Variants in ATP8B4 observed in about 807,000 individuals in gnomAD.
ATP8B4 encodes ATPase phospholipid transporting 8B4 (putative).
ATP8B4 carries 133 observed loss-of-function variants against 145.6 expected under a neutral mutation model. The observed-to-expected ratio is 0.91, with a 90% confidence interval of 0.79 to 1.05. ATP8B4 has a LOEUF of 1.05. Ranked by LOEUF, ATP8B4 falls within the 50% of genes least tolerant of loss-of-function variation. ATP8B4 has a pLI of 0.00. For synonymous variants in ATP8B4, 507 were observed against 492.9 expected (o/e 1.03, Z -0.38); for missense variants, 1,458 against 1,425.2 (o/e 1.02, Z -0.37).
intron 1 of ATP8B4, among the ~76,000 whole-genome samples, chr15:50,166,939 C>G (rs1227504769): frequency 1.3e-5 from 2 of 152,180 alleles, no homozygotes; most frequent in African/African-American, 4.8e-5. Context: ...ATTACCACAA[C>G]AGTAAGTGAT....
intron 23 of ATP8B4, among the ~76,000 whole-genome samples, chr15:49,890,502 G>A (rs757159598): frequency 2.6e-5 from 4 of 152,148 alleles, no homozygotes; most frequent in Non-Finnish European, 1.5e-5. Context: ...GGGCTTTAGG[G>A]GCTAAGAAAG....
intron 8 of ATP8B4, among the ~76,000 whole-genome samples, chr15:50,000,580 T>C (rs2047806240): frequency 6.6e-6 from 1 of 152,168 alleles, no homozygotes; most frequent in Admixed American, 6.6e-5. Context: ...AAGAAGTTTT[T>C]TTAAAATATA....
intron 3 of ATP8B4, among the ~76,000 whole-genome samples, chr15:50,068,177 A>ATTCTCAACCACT: frequency 6.6e-6 from 1 of 152,132 alleles, no homozygotes; most frequent in African/African-American, 2.4e-5. Flanking sequence ...TTAAGAGGAG[A>ATTCTCAACCACT]GAGAAGTTTG....
chr15:49,909,299 G>A (rs1466649857), intron 20 of ATP8B4, among the ~76,000 whole-genome samples: 2 of 152,094 alleles, frequency 1.3e-5, no homozygotes, highest in African/African-American at 4.8e-5. Flanking sequence ...ACCACAGCTA[G>A]CACCCACCTG....
intron 14 of ATP8B4, 48 bp from the exon 15 acceptor site, chr15:49,934,230 A>T (rs764358024): frequency 2.6e-6 from 4 of 1,543,260 alleles, no homozygotes; most frequent in Non-Finnish European, 3.5e-6. Flanking sequence ...TCATTCCAAT[A>T]ATTATCTTTT....
At chr15:49,889,720 C>G (rs1315314109) in intron 23 of ATP8B4, among the ~76,000 whole-genome samples, 3 of 152,208 alleles carry the variant, frequency 2.0e-5, no homozygotes, top group Non-Finnish European at 4.4e-5. Flanking sequence ...TAATAATTGC[C>G]TGGATAAAAT....
chr15:50,130,847 C>T (rs2057341344), intron 1 of ATP8B4, among the ~76,000 whole-genome samples: 1 of 152,104 alleles, frequency 6.6e-6, no homozygotes, highest in Non-Finnish European at 1.5e-5. Flanking sequence ...CTTAGTCTAA[C>T]GTTCTATGTT....
chr15:49,869,192 GTGAGCCAC>G (rs576856322), intron 25 of ATP8B4, among the ~76,000 whole-genome samples: 101 of 152,176 alleles, frequency 6.6e-4, no homozygotes, highest in Middle Eastern at 3.4e-3. Flanking sequence ...GATTACAGGC[GTGAGCCAC>G]TGAGCCTGGC....
rs1484786200 is a variant in ATP8B4, at chr15:49,985,302, T to TA, written c.748+2088dup. On this transcript the variant is annotated intron_variant, in intron 10 of 27. Coordinates refer to ENST00000284509, the MANE Select transcript of ATP8B4 (RefSeq NM_024837.4). ...TAGTAGAGATGGGGTTTCACCATGTTAGCCAGGATGGTCTCAATCTCCTGA... is the reference window on the plus strand; with the variant it reads ...TAGTAGAGATGGGGTTTCACCATGTTAAGCCAGGATGGTCTCAATCTCCTGA... Among the ~76,000 whole-genome samples the TA allele has an allele frequency of 9.9e-5, 15 of 152,250 alleles. No individual in the cohort carries two copies. In the East Asian group the frequency reaches 2.9e-3, roughly 29 times the overall value.
chr15:50,085,662 G>C (rs564002244), intron 2 of ATP8B4, among the ~76,000 whole-genome samples: 2 of 151,208 alleles, frequency 1.3e-5, no homozygotes, highest in African/African-American at 2.4e-5. Context: ...ATCATCAAAC[G>C]TGTAAAATTA....
chr15:49,923,110 C>T (rs987838130), intron 17 of ATP8B4, among the ~76,000 whole-genome samples: 13 of 152,190 alleles, frequency 8.5e-5, no homozygotes, highest in African/African-American at 1.7e-4. Flanking sequence ...ACAGCAGGTT[C>T]CCTAGACGCC....
At chr15:49,974,875 T>C (rs1250168068) in intron 12 of ATP8B4, among the ~76,000 whole-genome samples, 1 of 152,218 alleles carries the variant, frequency 6.6e-6, no homozygotes, top group African/African-American at 2.4e-5. Context: ...TAAATCATTT[T>C]ACTCACTAGC....
intron 10 of ATP8B4, among the ~76,000 whole-genome samples, chr15:49,982,819 T>C (rs2046276465): frequency 6.6e-6 from 1 of 152,196 alleles, no homozygotes; most frequent in Non-Finnish European, 1.5e-5. Context: ...CAACCCAGTC[T>C]CTGGGCCAAT....
intron 23 of ATP8B4, among the ~76,000 whole-genome samples, chr15:49,886,327 A>G (rs535076633): frequency 1.3e-4 from 20 of 152,262 alleles, no homozygotes; most frequent in Admixed American, 2.6e-4. Context: ...TGAGCATTCA[A>G]TGAAATGAGG....
At chr15:50,034,915 G>A (rs754621573) in intron 6 of ATP8B4, among the ~76,000 whole-genome samples, 6 of 152,276 alleles carry the variant, frequency 3.9e-5, no homozygotes, top group South Asian at 4.2e-4. Flanking sequence ...ATTGGTACTC[G>A]CAGACTTGCC....
chr15:50,067,122 C>G (rs1388092559), intron 3 of ATP8B4, among the ~76,000 whole-genome samples: 1 of 152,124 alleles, frequency 6.6e-6, no homozygotes, highest in East Asian at 1.9e-4. Context: ...CACTGCTTAA[C>G]AAGCCTCACT....
rs571354146 is a variant in ATP8B4, at chr15:49,903,191, T to C, written c.2142-1952A>G. On this transcript the variant is annotated intron_variant, in intron 20 of 27. Coordinates refer to ENST00000284509, the MANE Select transcript of ATP8B4 (RefSeq NM_024837.4). ...CACGCTCTGTAGCTGTCATTTCTTT[T>C]TCTTCCTGGAATTTAGCTCTTCAAA... Among the ~76,000 whole-genome samples, 6 of 152,346 alleles carry C rather than the reference T, an allele frequency of 3.9e-5. No individual in the cohort carries two copies. In the South Asian group the frequency reaches 6.2e-4, roughly 16 times the overall value.
chr15:50,075,783 C>T (rs905956132), intron 2 of ATP8B4, among the ~76,000 whole-genome samples: 5 of 152,166 alleles, frequency 3.3e-5, no homozygotes, highest in Non-Finnish European at 5.9e-5. Context: ...GATGCCCCAA[C>T]AAAGAATTAA....
At position 50,106,815 on chromosome 15, in the gene ATP8B4, G is replaced by A. The variant is rs144367909; in HGVS notation, c.28+124C>T. 3,847 of 884,670 alleles carry A rather than the reference G, an allele frequency of 4.3e-3. 17 individuals carry two copies. Among genetic ancestry groups the A allele is most frequent in the Non-Finnish European group, 5.2e-3 (3,160 of 604,382 alleles). 54.8% of individuals were successfully genotyped at this position (884,670 alleles called of 1,614,324 possible). On this transcript the variant is annotated intron_variant, in intron 2 of 27. Coordinates refer to ENST00000284509, the MANE Select transcript of ATP8B4 (RefSeq NM_024837.4). Reference sequence around the variant, plus strand: ...AGTTACATGGGTGTATATAATCGTCGAAGTTCACTGAGCTGAACACCTAGA... The same window carrying A: ...AGTTACATGGGTGTATATAATCGTCAAAGTTCACTGAGCTGAACACCTAGA...
Sources: allele counts gnomAD v4.1 joint callset (sites outside exome capture counted in the v4.1 genomes callset), GRCh38; gene constraint gnomAD v4.1.1; transcripts MANE v1.5; gene names NCBI Gene and HGNC (gene_info 2026-07-23, HGNC 2026-07-21).